The following TUSC3 variants were observed in gnomAD, a reference collection of about 807,000 sequenced individuals.
The protein encoded by TUSC3 is dolichyl-diphosphooligosaccharide--protein glycosyltransferase subunit TUSC3.
TUSC3 carries 45 observed loss-of-function variants against 44.8 expected under a neutral mutation model. The observed-to-expected ratio is 1.00, with a 90% confidence interval of 0.79 to 1.29. The LOEUF is 1.29. TUSC3 is among the 50% of genes most tolerant of loss of function. The pLI, the probability that TUSC3 is intolerant of heterozygous loss-of-function variation, is 0.00. For missense variants in TUSC3, 519 were observed against 437.9 expected (o/e 1.19, Z -1.65); for synonymous variants, 212 against 152.9 (o/e 1.39, Z -2.85).
chr8:15,751,351 C>G lies in TUSC3; in HGVS notation c.1028+2886C>G, dbSNP rs187019237. Among the ~76,000 whole-genome samples the G allele has an allele frequency of 6.8e-4, 104 of 152,266 alleles. No individual in the cohort carries two copies. The East Asian group carries it at 0.013, about 19-fold the overall frequency. On this transcript the variant is annotated intron_variant, in intron 9 of 10. Transcript: ENST00000503731. ...CAGAAATCCATTGCTTCAGAGGTAA[C>G]TCAAATGGCTAATCTCTTGCTCCAA...
chr8:15,429,888 G>A (rs1286071873), intron 1 of TUSC3, among the ~76,000 whole-genome samples: 1 of 151,584 alleles, frequency 6.6e-6, no homozygotes, highest in Non-Finnish European at 1.5e-5. Context: ...TAGAAGAAAT[G>A]GATAAATTCC....
chr8:15,515,018 C>G (rs565059438), intron 2 of TUSC3, among the ~76,000 whole-genome samples: 51 of 152,262 alleles, frequency 3.3e-4, no homozygotes, highest in African/African-American at 1.2e-3. Flanking sequence ...GAGAATCTAT[C>G]AATACATGTT....
chr8:15,654,652 C>A (rs1323966287), intron 3 of TUSC3, among the ~76,000 whole-genome samples: 1 of 151,922 alleles, frequency 6.6e-6, no homozygotes, highest in African/African-American at 2.4e-5. Flanking sequence ...CAAAAATTAG[C>A]CAGGTGTGAT....
chr8:15,544,084 T>C (rs1036128047), intron 1 of TUSC3, among the ~76,000 whole-genome samples: 1 of 152,186 alleles, frequency 6.6e-6, no homozygotes, highest in African/African-American at 2.4e-5. Flanking sequence ...GAAATTTGTA[T>C]AGTCACTTTT....
chr8:15,534,898 C>G (rs1451734697), intron 2 of TUSC3, among the ~76,000 whole-genome samples: 2 of 152,288 alleles, frequency 1.3e-5, no homozygotes, highest in African/African-American at 2.4e-5. Flanking sequence ...ATTCAGCAGT[C>G]TGTGAGTGGT....
At chr8:15,660,732 A>G (rs867505633) in intron 4 of TUSC3, among the ~76,000 whole-genome samples, 11 of 151,708 alleles carry the variant, frequency 7.3e-5, no homozygotes, top group Non-Finnish European at 1.5e-4. Context: ...TCATTTTTTA[A>G]TGTTTTGGCA....
intron 5 of TUSC3, among the ~76,000 whole-genome samples, chr8:15,663,661 A>C (rs1807526732): frequency 6.6e-6 from 1 of 151,888 alleles, no homozygotes; most frequent in South Asian, 2.1e-4. Flanking sequence ...TTTTTAAAGA[A>C]AGTTTCTTAA....
At chr8:15,787,883 A>T in the TUSC3 span, among the ~76,000 whole-genome samples, 2 of 152,258 alleles carry the variant, frequency 1.3e-5, no homozygotes, top group Non-Finnish European at 2.9e-5. Flanking sequence ...GTATTTATTA[A>T]GAAATGTCAT....
At chr8:15,443,864 C>G (rs1044020953) in intron 1 of TUSC3, among the ~76,000 whole-genome samples, 5 of 152,138 alleles carry the variant, frequency 3.3e-5, no homozygotes, top group African/African-American at 1.2e-4. Flanking sequence ...GATAAACTGG[C>G]TCACCTGATC....
intron 1 of TUSC3, among the ~76,000 whole-genome samples, chr8:15,567,239 T>G (rs1802710719): frequency 6.6e-6 from 1 of 152,142 alleles, no homozygotes; most frequent in African/African-American, 2.4e-5. Flanking sequence ...GGAAGCATTA[T>G]TTTCAGAAGA....
At chr8:15,632,958 C>A (rs1805881616) in intron 2 of TUSC3, among the ~76,000 whole-genome samples, 1 of 152,010 alleles carries the variant, frequency 6.6e-6, no homozygotes, top group Non-Finnish European at 1.5e-5. Flanking sequence ...GCACTTTTTT[C>A]AAGGAGCCCT....
At chr8:15,717,708 A>G (rs1173283892) in intron 6 of TUSC3, among the ~76,000 whole-genome samples, 2 of 152,098 alleles carry the variant, frequency 1.3e-5, no homozygotes, top group East Asian at 1.9e-4. Flanking sequence ...ATATAGCTAA[A>G]TTGGCCACCA....
At chr8:15,744,558 C>G (rs1445579947) in intron 8 of TUSC3, among the ~76,000 whole-genome samples, 2 of 151,938 alleles carry the variant, frequency 1.3e-5, no homozygotes, top group African/African-American at 4.8e-5. Flanking sequence ...GGGTTTTTAG[C>G]TAGGGTGACA....
chr8:15,428,304 C>A (rs996265987), intron 1 of TUSC3, among the ~76,000 whole-genome samples: 25 of 151,824 alleles, frequency 1.6e-4, no homozygotes, highest in East Asian at 1.2e-3. Flanking sequence ...TGAACTCATC[C>A]TTTTTTATGG....
At chr8:15,572,783 G>C (rs916243828) in intron 1 of TUSC3, among the ~76,000 whole-genome samples, 1 of 152,170 alleles carries the variant, frequency 6.6e-6, no homozygotes, top group Admixed American at 6.5e-5. Context: ...CGTGTGAGAA[G>C]AGTGGAGGTG....
intron 6 of TUSC3, among the ~76,000 whole-genome samples, chr8:15,685,809 G>T (rs1397681097): frequency 6.6e-6 from 1 of 151,070 alleles, no homozygotes; most frequent in Admixed American, 6.6e-5. Flanking sequence ...GGCCTGACAA[G>T]CTTAGTAAAA....
chr8:15,737,974 C>T (rs1000254620), intron 7 of TUSC3, among the ~76,000 whole-genome samples: 9 of 152,072 alleles, frequency 5.9e-5, no homozygotes, highest in African/African-American at 2.2e-4. Flanking sequence ...CTAAACGATT[C>T]TCAACTCAAC....
chr8:15,733,527 T>C (rs994009544), intron 7 of TUSC3: 68 of 260,476 alleles, frequency 2.6e-4, no homozygotes, highest in African/African-American at 1.5e-3. Context: ...TTTAATTTCA[T>C]GGATCATTGA....
At chr8:15,700,120 A>G (rs565965198) in intron 6 of TUSC3, among the ~76,000 whole-genome samples, 2 of 152,186 alleles carry the variant, frequency 1.3e-5, no homozygotes, top group African/African-American at 2.4e-5. Context: ...AGCTTAGGGT[A>G]TGAAATTCTG....
Sources: gnomAD v4.1 joint callset for allele counts (sites outside exome capture counted in the v4.1 genomes callset) on GRCh38, gnomAD v4.1.1 for gene constraint, MANE v1.5 for transcripts, NCBI Gene and HGNC (gene_info 2026-07-23, HGNC 2026-07-21) for gene names.